Variants in PTN observed in about 807,000 individuals in gnomAD.
The protein encoded by PTN is pleiotrophin.
A neutral mutation model predicts 24.1 loss-of-function variants in PTN; 18 were observed. That is an observed-to-expected ratio of 0.75 (90% CI 0.52 to 1.11). PTN has a LOEUF of 1.11. Ranked by LOEUF, PTN falls within the 50% of genes least tolerant of loss-of-function variation. PTN has a pLI of 0.00. For synonymous variants in PTN, 78 were observed against 68.6 expected, an observed-to-expected ratio of 1.14 and a Z score of -0.67; for missense variants, 163 against 198.8, an observed-to-expected ratio of 0.82 and a Z score of 1.08.
At chr7:137,239,884 G>C (rs1466904542) in intron 4 of PTN, among the ~76,000 whole-genome samples, 2 of 152,248 alleles carry the variant, frequency 1.3e-5, no homozygotes, top group East Asian at 3.9e-4. Flanking sequence ...TCTCAGAGGA[G>C]ACCGTGACTT....
At chr7:137,339,586 TGGG>T (rs1462312702) in intron 1 of PTN, among the ~76,000 whole-genome samples, 3 of 78,420 alleles carry the variant, frequency 3.8e-5, no homozygotes, top group Admixed American at 2.6e-4. Flanking sequence ...AAAAAAAAAA[TGGG>T]GGAAAAATGC....
chr7:137,244,051 T>G (rs1808680102), intron 4 of PTN, among the ~76,000 whole-genome samples: 2 of 145,862 alleles, frequency 1.4e-5, no homozygotes, highest in African/African-American at 5.1e-5. Flanking sequence ...TAAAAGCTTT[T>G]GACAGATACA....
chr7:137,299,912 A>C (rs1809779069), intron 1 of PTN, among the ~76,000 whole-genome samples: 2 of 151,966 alleles, frequency 1.3e-5, no homozygotes, highest in Admixed American at 6.6e-5. Context: ...CCAAATCCTC[A>C]TACATGCCAA....
At chr7:137,240,974 A>G (rs1808618175) in intron 4 of PTN, among the ~76,000 whole-genome samples, 1 of 152,206 alleles carries the variant, frequency 6.6e-6, no homozygotes, top group Non-Finnish European at 1.5e-5. Flanking sequence ...ACATAAACAA[A>G]AGAGGTTTAA....
At chr7:137,228,597 T>C (rs988002528) in intron 4 of PTN, among the ~76,000 whole-genome samples, 7 of 151,764 alleles carry the variant, frequency 4.6e-5, no homozygotes, top group Non-Finnish European at 8.8e-5. Flanking sequence ...GCTTATATAT[T>C]TGGCCAGCTA....
rs1563191418 is a variant in PTN at position 137,228,009 on chromosome 7, G to A, written c.*11C>T. ...GCTGATGTCCTTTTTATGTTCCACA[G>A]GTGACATCTTTTAATCCAGCATCTT... On this transcript the variant is annotated 3_prime_UTR_variant, in exon 5 of 5. Transcript: ENST00000348225. 1 of 1,608,534 alleles carries A rather than the reference G, an allele frequency of 6.2e-7. No homozygotes were observed. Among genetic ancestry groups the A allele is most frequent in the Admixed American group, 1.7e-5 (1 of 59,508 alleles).
rs777658614 is a variant in PTN, at chr7:137,254,907, T to C, written c.67A>G (p.Ile23Val). 8 of 1,585,574 alleles carry C rather than the reference T, an allele frequency of 5.0e-6. No homozygotes were observed. Among genetic ancestry groups the C allele is most frequent in the East Asian group, 2.2e-5 (1 of 44,482 alleles). Residue 23 changes from isoleucine to valine, a missense_variant, in exon 2 of 5, where the codon ATA becomes GTA. Ile to Val is a conservative substitution (Grantham distance 29, BLOSUM62 3). Transcript: ENST00000348225. ...TCAGCAGTATCCACAGCTGCCAGTATGAAAATGAATGCCAAGAAGGCAGCT... is the reference window on the plus strand; with the variant it reads ...TCAGCAGTATCCACAGCTGCCAGTACGAAAATGAATGCCAAGAAGGCAGCT... ...FAAAFLAFIF[I>V]LAAVDTAEAG...
chr7:137,255,282 G>C (rs996363144), intron 1 of PTN, among the ~76,000 whole-genome samples: 8 of 152,180 alleles, frequency 5.3e-5, no homozygotes, highest in African/African-American at 1.9e-4. Flanking sequence ...GCATGCATTT[G>C]AACACAGTCC....
At chr7:137,333,618 A>C (rs1029500275) in intron 1 of PTN, among the ~76,000 whole-genome samples, 2 of 152,238 alleles carry the variant, frequency 1.3e-5, no homozygotes, top group African/African-American at 4.8e-5. Context: ...AAGACTCTTA[A>C]CACTAAGTAA....
At chr7:137,323,066 T>C (rs2128881515) in intron 1 of PTN, among the ~76,000 whole-genome samples, 1 of 152,350 alleles carries the variant, frequency 6.6e-6, no homozygotes, top group East Asian at 1.9e-4. Flanking sequence ...CAGTGTTAAA[T>C]TATTTCTCAT....
chr7:137,305,544 A>C (rs1489622323), intron 1 of PTN, among the ~76,000 whole-genome samples: 1 of 152,128 alleles, frequency 6.6e-6, no homozygotes, highest in Admixed American at 6.6e-5. Context: ...ACTTTCAAAT[A>C]GATTTTTAAA....
intron 1 of PTN, among the ~76,000 whole-genome samples, chr7:137,269,837 T>G (rs1217615522): frequency 6.6e-6 from 1 of 151,992 alleles, no homozygotes; most frequent in Non-Finnish European, 1.5e-5. Flanking sequence ...TTCACCATGT[T>G]GGCCAGGGTG....
At chr7:137,247,722 C>T (rs1808749005) in intron 4 of PTN, among the ~76,000 whole-genome samples, 1 of 152,132 alleles carries the variant, frequency 6.6e-6, no homozygotes, top group Admixed American at 6.5e-5. Flanking sequence ...CCATAATATG[C>T]TTATTTCATA....
chr7:137,295,472 A>G (rs1809704897), intron 1 of PTN, among the ~76,000 whole-genome samples: 1 of 152,094 alleles, frequency 6.6e-6, no homozygotes, highest in Admixed American at 6.5e-5. Flanking sequence ...TTTAAATCAA[A>G]TAGGCACTAG....
At chr7:137,288,352 G>T (rs539706909) in intron 1 of PTN, among the ~76,000 whole-genome samples, 1 of 152,228 alleles carries the variant, frequency 6.6e-6, no homozygotes, top group East Asian at 1.9e-4. Flanking sequence ...ATAATGAGAG[G>T]AACTCAGGAG....
chr7:137,227,836 C>G lies in PTN; in HGVS notation c.*184G>C. The G allele has an allele frequency of 2.1e-6, 1 of 477,410 alleles. No individual in the cohort carries two copies. Among genetic ancestry groups the G allele is most frequent in the East Asian group, 3.5e-5 (1 of 28,628 alleles). 29.6% of individuals were successfully genotyped at this position (477,410 alleles called of 1,614,324 possible). ...GATTACAGTCCTTTATTATAAGCCC[C>G]TACTGGTACTATAGTATACATTTAA... is the stretch of plus-strand genomic sequence containing the variant. On this transcript the variant is annotated 3_prime_UTR_variant, in exon 5 of 5. Coordinates refer to ENST00000348225, the MANE Select transcript of PTN (RefSeq NM_002825.7).
chr7:137,315,822 G>A (rs1810062507), intron 1 of PTN, among the ~76,000 whole-genome samples: 1 of 152,066 alleles, frequency 6.6e-6, no homozygotes. Context: ...GCTGATGGGA[G>A]GTGGCATTAC....
At chr7:137,311,106 C>T (rs1447586750) in intron 1 of PTN, among the ~76,000 whole-genome samples, 1 of 152,002 alleles carries the variant, frequency 6.6e-6, no homozygotes, top group Non-Finnish European at 1.5e-5. Flanking sequence ...GTGGTACACA[C>T]CTGTAACCCC....
chr7:137,231,048 T>G (rs1305337231), intron 4 of PTN, among the ~76,000 whole-genome samples: 1 of 151,838 alleles, frequency 6.6e-6, no homozygotes, highest in African/African-American at 2.4e-5. Context: ...GACCTCGCAG[T>G]GTGAGTTAGA....
Sources: gnomAD v4.1 joint callset for allele counts (sites outside exome capture counted in the v4.1 genomes callset) on GRCh38, gnomAD v4.1.1 for gene constraint, MANE v1.5 for transcripts, NCBI Gene and HGNC (gene_info 2026-07-23, HGNC 2026-07-21) for gene names.